CADM2: variants seen among roughly 807,000 people sequenced by gnomAD.
CADM2 encodes the protein immunoglobulin superfamily member 4D.
In CADM2, 12 loss-of-function variants were observed where a neutral mutation model predicts 49.8. That is an observed-to-expected ratio of 0.24 (90% CI 0.15 to 0.39). CADM2 has a LOEUF of 0.39. Among genes scored for constraint, CADM2 ranks in the 10% least tolerant of loss-of-function variants. The probability of loss-of-function intolerance (pLI) is 1.00; values close to 1 mark genes in which losing one functional copy is unlikely to be tolerated. For missense variants in CADM2, 378 were observed against 492.3 expected, an observed-to-expected ratio of 0.77 and a Z score of 2.20; for synonymous variants, 214 against 175.4, an observed-to-expected ratio of 1.22 and a Z score of -1.74.
At chr3:86,022,864 A>G (rs1259605470) in intron 8 of CADM2, among the ~76,000 whole-genome samples, 1 of 152,166 alleles carries the variant, frequency 6.6e-6, no homozygotes, top group Non-Finnish European at 1.5e-5. Flanking sequence ...GAAAATATGC[A>G]TATGCATAAA....
At chr3:85,161,547 A>G (rs2040324957) in intron 1 of CADM2, among the ~76,000 whole-genome samples, 1 of 152,112 alleles carries the variant, frequency 6.6e-6, no homozygotes, top group African/African-American at 2.4e-5. Flanking sequence ...ATGTCACAGA[A>G]TGTACTGTCA....
At chr3:85,981,675 A>G (rs1048998750) in intron 8 of CADM2, among the ~76,000 whole-genome samples, 1 of 151,712 alleles carries the variant, frequency 6.6e-6, no homozygotes, top group African/African-American at 2.4e-5. Context: ...TGCTGCTGCA[A>G]AGGATATGAT....
intron 8 of CADM2, among the ~76,000 whole-genome samples, chr3:85,979,464 A>AT (rs146375728): frequency 0.03 from 4,503 of 151,552 alleles, 90 homozygotes; most frequent in Non-Finnish European, 0.048. Context: ...GGTACATTTT[A>AT]TTTTTTTTAG....
intron 1 of CADM2, among the ~76,000 whole-genome samples, chr3:85,468,463 G>GA (rs1484864638): frequency 2.6e-5 from 4 of 151,952 alleles, no homozygotes; most frequent in East Asian, 1.9e-4. Context: ...TACTGAAATG[G>GA]AAAAAACCAT....
intron 1 of CADM2, among the ~76,000 whole-genome samples, chr3:85,228,565 A>C (rs542385250): frequency 1.3e-4 from 20 of 152,064 alleles, no homozygotes; most frequent in Admixed American, 1.3e-3. Context: ...TCTTTCTAAC[A>C]GTCAGGCCCC....
At chr3:85,524,112 A>C (rs896363051) in intron 1 of CADM2, among the ~76,000 whole-genome samples, 2 of 152,130 alleles carry the variant, frequency 1.3e-5, no homozygotes, top group Non-Finnish European at 2.9e-5. Context: ...TGCCTTTGTG[A>C]GTTACCATCC....
chr3:85,157,561 A>G (rs1177804732), intron 1 of CADM2, among the ~76,000 whole-genome samples: 1 of 152,166 alleles, frequency 6.6e-6, no homozygotes, highest in Non-Finnish European at 1.5e-5. Context: ...CTGATCTTTG[A>G]CAAACCTGAG....
chr3:86,037,394 C>T (rs570403482), intron 8 of CADM2, among the ~76,000 whole-genome samples: 4 of 152,254 alleles, frequency 2.6e-5, no homozygotes, highest in African/African-American at 9.6e-5. Flanking sequence ...AGTTTATCCA[C>T]ATGTGCCGTT....
chr3:85,350,092 T>C (rs891431731), intron 1 of CADM2, among the ~76,000 whole-genome samples: 3 of 152,176 alleles, frequency 2.0e-5, no homozygotes, highest in African/African-American at 7.2e-5. Context: ...AAAGGAACAC[T>C]AACGAGGACA....
chr3:85,931,323 C>T (rs1720561075), intron 6 of CADM2, among the ~76,000 whole-genome samples: 1 of 151,978 alleles, frequency 6.6e-6, no homozygotes, highest in Admixed American at 6.6e-5. Flanking sequence ...CCTGTGGTCC[C>T]AGCTACTTAC....
chr3:85,250,972 A>G (rs2042759615), intron 1 of CADM2, among the ~76,000 whole-genome samples: 1 of 151,754 alleles, frequency 6.6e-6, no homozygotes, highest in South Asian at 2.1e-4. Flanking sequence ...TGTTACTATG[A>G]AATTCCAGTG....
intron 1 of CADM2, among the ~76,000 whole-genome samples, chr3:85,223,520 A>G (rs2042085222): frequency 6.6e-6 from 1 of 152,190 alleles, no homozygotes; most frequent in Non-Finnish European, 1.5e-5. Context: ...CCGGAGTAGG[A>G]CATTACAATG....
chr3:85,536,694 C>T (rs2061429632), intron 1 of CADM2, among the ~76,000 whole-genome samples: 1 of 152,022 alleles, frequency 6.6e-6, no homozygotes, highest in Admixed American at 6.6e-5. Context: ...TGTAAGCAGA[C>T]ATCTGGTAAT....
intron 8 of CADM2, among the ~76,000 whole-genome samples, chr3:86,025,208 A>G (rs1733739036): frequency 6.6e-6 from 1 of 151,952 alleles, no homozygotes; most frequent in Non-Finnish European, 1.5e-5. Flanking sequence ...GGCGCCCGCC[A>G]CCACGCCAGC....
chr3:85,365,774 C>T (rs190089852), intron 1 of CADM2, among the ~76,000 whole-genome samples: 1 of 152,120 alleles, frequency 6.6e-6, no homozygotes, highest in Non-Finnish European at 1.5e-5. Flanking sequence ...TGTAAATTCT[C>T]ACATTTAAAA....
At chr3:85,723,413 G>A (rs892270047) in intron 1 of CADM2, among the ~76,000 whole-genome samples, 16 of 152,052 alleles carry the variant, frequency 1.1e-4, no homozygotes, top group African/African-American at 3.6e-4. Context: ...CTTCTAATTG[G>A]ACTATGCTGA....
intron 1 of CADM2, among the ~76,000 whole-genome samples, chr3:85,279,145 T>G (rs925029339): frequency 5.9e-5 from 9 of 151,536 alleles, no homozygotes; most frequent in Non-Finnish European, 1.2e-4. Flanking sequence ...GTGGCATGCA[T>G]GCAGCTTGTG....
intron 2 of CADM2, among the ~76,000 whole-genome samples, chr3:85,747,175 A>G (rs559066325): frequency 2.6e-5 from 4 of 152,050 alleles, no homozygotes; most frequent in Admixed American, 6.6e-5. Flanking sequence ...ATTCACCAAC[A>G]CCAAGCAATT....
chr3:85,402,662 G>A (rs1264540280), intron 1 of CADM2, among the ~76,000 whole-genome samples: 1 of 152,182 alleles, frequency 6.6e-6, no homozygotes, highest in Non-Finnish European at 1.5e-5. Context: ...TGCAATTTGA[G>A]TCTGGGAGGT....
Sources: gnomAD v4.1 joint callset for allele counts (sites outside exome capture counted in the v4.1 genomes callset) on GRCh38, gnomAD v4.1.1 for gene constraint, MANE v1.5 for transcripts, NCBI Gene and HGNC (gene_info 2026-07-23, HGNC 2026-07-21) for gene names.